SLC51A: variants seen among roughly 807,000 people sequenced by gnomAD.
The protein encoded by SLC51A is solute carrier family 51 member A, also known as organic solute transporter subunit alpha.
In SLC51A, 22 loss-of-function variants were observed where a neutral mutation model predicts 34.8. The ratio of observed to expected loss-of-function variants is 0.63; its 90% CI spans 0.45 to 0.90. The LOEUF is 0.90. Ranked by LOEUF, SLC51A falls within the 40% of genes least tolerant of loss-of-function variation. SLC51A has a pLI of 0.00. For synonymous variants in SLC51A, 181 were observed against 176.3 expected, an observed-to-expected ratio of 1.03 and a Z score of -0.21; for missense variants, 371 against 414.8, an observed-to-expected ratio of 0.89 and a Z score of 0.92.
At chr3:196,219,349 G>A (rs1022344961) in intron 2 of SLC51A, among the ~76,000 whole-genome samples, 6 of 152,360 alleles carry the variant, frequency 3.9e-5, no homozygotes, top group African/African-American at 1.4e-4. Flanking sequence ...TAGAGAAAAT[G>A]TGACTCACGC....
At chr3:196,226,060 T>C (rs571814362) in intron 2 of SLC51A, among the ~76,000 whole-genome samples, 144 of 152,334 alleles carry the variant, frequency 9.5e-4, no homozygotes, top group Admixed American at 1.8e-3. Context: ...CTCACGTCTG[T>C]AATCCCAGCA....
Position 196,227,696 on chromosome 3 carries a change from G to A in SLC51A, c.321G>A (p.Trp107Ter). ...VVSVLCCFGL[W>*]IPRSLVLVEM... ...CTGTGCTGTGCTGCTTTGGTCTCTG[G>A]ATCCCTCGTTCCCTGGTGCTGGTGG... The change falls in exon 4 of 9, where the codon TGG becomes TGA. Residue 107 changes from tryptophan (W) to a stop codon, truncating the protein, a stop_gained. Transcript: ENST00000296327. LOFTEE classifies it high-confidence loss of function. 6.2e-7 allele frequency: 1 copy of A among 1,613,878 alleles called. No individual in the cohort carries two copies. The highest frequency in any genetic ancestry group is 8.5e-7 in the Non-Finnish European group (1 of 1,179,938).
rs1050101441 is a variant in SLC51A at position 196,227,038 on chromosome 3, G to A, written c.207G>A (p.Leu69=). 4 of 1,613,974 alleles carry A rather than the reference G, an allele frequency of 2.5e-6. No individual in the cohort carries two copies. The African/African-American group carries it at 5.3e-5, about 22-fold the overall frequency. Residue 69 remains leucine (L), a synonymous_variant, in exon 3 of 9, where the codon CTG becomes CTA. Transcript: ENST00000296327. ...LLALGSIAIF[L]EDAVYLYKNT... ...CGCTGGGCTCCATTGCCATCTTCCTGGAGGATGCCGTCTACCTGTACAAGA... is the reference window on the plus strand; with the variant it reads ...CGCTGGGCTCCATTGCCATCTTCCTAGAGGATGCCGTCTACCTGTACAAGA...
intron 2 of SLC51A, among the ~76,000 whole-genome samples, chr3:196,221,798 C>G (rs113705710): frequency 0.06 from 9,041 of 151,640 alleles, 329 homozygotes; most frequent in Middle Eastern, 0.16. Flanking sequence ...TCACTACAAG[C>G]TCCGCCTCCC....
At chr3:196,224,062 T>C (rs944122136) in intron 2 of SLC51A, 1 of 267,550 alleles carries the variant, frequency 3.7e-6, no homozygotes. Flanking sequence ...TTCCACCATG[T>C]TGGCCAGGCT....
chr3:196,221,985 TG>T (rs1378379344), intron 2 of SLC51A, among the ~76,000 whole-genome samples: 1 of 152,164 alleles, frequency 6.6e-6, no homozygotes, highest in East Asian at 1.9e-4. Flanking sequence ...CCCAATGTGC[TG>T]GGATGACAGG....
chr3:196,219,203 G>A (rs1723677566), intron 2 of SLC51A, among the ~76,000 whole-genome samples: 1 of 152,156 alleles, frequency 6.6e-6, no homozygotes, highest in Non-Finnish European at 1.5e-5. Flanking sequence ...TGCAGCCTGG[G>A]CAACAGAGTG....
chr3:196,227,571 G>A (rs775818468), intron 3 of SLC51A, 93 bp from the exon 4 acceptor site: 6 of 1,047,214 alleles, frequency 5.7e-6, no homozygotes, highest in Non-Finnish European at 7.4e-6. Context: ...CCTCGAATGT[G>A]TAGGTTTTGC....
Position 196,232,410 on chromosome 3 carries a change from G to A in SLC51A, c.781-9G>A. ...CAGTCCACCCTTGCCTCTCTTTTAT[G>A]TTCCGCAGGTTCTCCTCATCCTGAC... is the stretch of plus-strand genomic sequence containing the variant. On this transcript the variant is annotated splice_polypyrimidine_tract_variant and intron_variant, in intron 7 of 8. Transcript: ENST00000296327. 6.2e-7 allele frequency: 1 copy of A among 1,611,188 alleles called. No individual in the cohort carries two copies. The highest frequency in any genetic ancestry group is 1.1e-5 in the South Asian group (1 of 91,026).
rs778013432 is a variant in SLC51A at position 196,232,501 on chromosome 3, A to G, written c.863A>G (p.Tyr288Cys). ...GGGCAGATTGCTTGTTCGCCTCCCT[A>G]TTCCTCTAAAACCAGGTCTCAAGGT... ...NGGQIACSPP[Y>C]SSKTRSQVMN... The change falls in exon 8 of 9, where the codon TAT becomes TGT. Residue 288 changes from tyrosine (Y) to cysteine (C), a missense_variant. Transcript: ENST00000296327. The G allele has an allele frequency of 5.6e-6, 9 of 1,613,958 alleles. No individual in the cohort carries two copies. The highest frequency in any genetic ancestry group is 7.6e-6 in the Non-Finnish European group (9 of 1,179,874).
intron 2 of SLC51A, chr3:196,223,755 G>GA (rs1723826043): frequency 8.6e-6 from 2 of 231,876 alleles, no homozygotes; most frequent in African/African-American, 5.4e-5. Context: ...AAAAAAGAAA[G>GA]AAAGAAAATA....
chr3:196,227,217 T>G, intron 3 of SLC51A, 98 bp downstream of exon 3: 1 of 810,408 alleles, frequency 1.2e-6, no homozygotes, highest in South Asian at 2.3e-5. Flanking sequence ...CGGCAAAGAG[T>G]GTCCTGCCAC....
intron 3 of SLC51A, 88 bp downstream of exon 3, chr3:196,227,207 C>T (rs141050807): frequency 1.7e-5 from 24 of 1,443,222 alleles, no homozygotes; most frequent in Non-Finnish European, 2.3e-5. Flanking sequence ...CACGTCACTT[C>T]GGCAAAGAGT....
intron 7 of SLC51A, among the ~76,000 whole-genome samples, chr3:196,231,786 G>A (rs1220118919): frequency 2.0e-5 from 3 of 152,194 alleles, no homozygotes; most frequent in Non-Finnish European, 4.4e-5. Flanking sequence ...AAGATAAATG[G>A]TGCTTCCAGG....
Position 196,229,907 on chromosome 3 carries a change from G to T in SLC51A, c.634-8G>T, listed in dbSNP as rs376473125. On this transcript the variant is annotated splice_region_variant and splice_polypyrimidine_tract_variant and intron_variant, in intron 6 of 8. Transcript: ENST00000296327. The stretch of plus-strand genomic sequence containing the variant: ...CCTGCCTCACTGACTACTTTCTGTT[G>T]CCACCAGATTTCTGAGGGGAGCACA... The T allele has an allele frequency of 1.1e-5, 17 of 1,590,090 alleles. No individual in the cohort carries two copies. The African/African-American group carries it at 2.2e-4, about 20-fold the overall frequency.
Position 196,216,852 on chromosome 3 carries a change from C to T in SLC51A, c.38+102C>T. ...CCCAGAGCCCTTTGGCGGCCGCACT[C>T]AGAATGAGACAGGACTGGAAATGCT... On this transcript the variant is annotated intron_variant, in intron 1 of 8. Transcript: ENST00000296327. The surrounding 1 kb of genome is among the most constrained non-coding windows in gnomAD (Gnocchi z 4.5). 1 of 1,190,474 alleles carries T rather than the reference C, an allele frequency of 8.4e-7. No homozygotes were observed. The highest frequency in any genetic ancestry group is 1.2e-6 in the Non-Finnish European group (1 of 847,928). 73.7% of individuals were successfully genotyped at this position (1,190,474 alleles called of 1,614,324 possible).
chr3:196,230,045 A>G lies in SLC51A; in HGVS notation c.764A>G (p.Lys255Arg). The change falls in exon 7 of 9, where the codon AAA becomes AGA. Residue 255 changes from lysine to arginine, a missense_variant. Lys to Arg is a conservative substitution (Grantham distance 26, BLOSUM62 2). Transcript: ENST00000296327. ...LHLGEQNMGAKFALFQVLLIL... is the reference protein window; with the variant it reads ...LHLGEQNMGARFALFQVLLIL... ...CTGGGTGAGCAGAACATGGGAGCCA[A>G]ATTTGCTCTGTTCCAGGTAACTATA... The G allele has an allele frequency of 6.2e-7, 1 of 1,612,794 alleles. No individual in the cohort carries two copies. The highest frequency in any genetic ancestry group is 8.5e-7 in the Non-Finnish European group (1 of 1,179,430).
At chr3:196,218,679 C>T (rs1189031085) in intron 2 of SLC51A, among the ~76,000 whole-genome samples, 1 of 152,184 alleles carries the variant, frequency 6.6e-6, no homozygotes, top group Non-Finnish European at 1.5e-5. Context: ...CGTTTTGTCG[C>T]TCTGTTTCCT....
At chr3:196,225,378 C>G (rs902641484) in intron 2 of SLC51A, among the ~76,000 whole-genome samples, 1 of 152,118 alleles carries the variant, frequency 6.6e-6, no homozygotes, top group African/African-American at 2.4e-5. Context: ...AAGTCTGTAC[C>G]GTGGCCACCT....
Sources: gnomAD v4.1 joint callset for allele counts (sites outside exome capture counted in the v4.1 genomes callset) on GRCh38, gnomAD v4.1.1 for gene constraint, Gnocchi (gnomAD v3.1) non-coding constraint, MANE v1.5 for transcripts, NCBI Gene and HGNC (gene_info 2026-07-23, HGNC 2026-07-21) for gene names.